Variants in NIN observed in about 807,000 individuals in gnomAD.
NIN encodes ninein.
A neutral mutation model predicts 257.6 loss-of-function variants in NIN; 137 were observed. The ratio of observed to expected loss-of-function variants is 0.53; its 90% CI spans 0.46 to 0.61. The LOEUF (loss-of-function observed/expected upper bound fraction) is 0.61, where lower values mean the gene tolerates loss of function less well. Among genes scored for constraint, NIN ranks in the 20% least tolerant of loss-of-function variants. The pLI is 0.00. For missense variants in NIN, 2,439 were observed against 2,501.2 expected, an observed-to-expected ratio of 0.98 and a Z score of 0.53; for synonymous variants, 918 against 919.8, an observed-to-expected ratio of 1.00 and a Z score of 0.04.
At chr14:50,751,900 G>A (rs1347314463) in intron 21 of NIN, among the ~76,000 whole-genome samples, 5 of 152,124 alleles carry the variant, frequency 3.3e-5, no homozygotes, top group African/African-American at 9.7e-5. Context: ...TTGGTCCCAT[G>A]TCCCTCCATT....
intron 3 of NIN, among the ~76,000 whole-genome samples, chr14:50,818,310 G>C (rs1385373291): frequency 1.1e-5 from 1 of 90,478 alleles, no homozygotes; most frequent in Non-Finnish European, 2.1e-5. Flanking sequence ...GCGACGGCGA[G>C]ACTCTGTCAA....
chr14:50,740,331 C>A (rs1406721743), intron 25 of NIN, among the ~76,000 whole-genome samples: 1 of 149,208 alleles, frequency 6.7e-6, no homozygotes, highest in East Asian at 2.0e-4. Context: ...GGATTATGGG[C>A]GCATGTACTA....
intron 3 of NIN, among the ~76,000 whole-genome samples, chr14:50,816,661 T>G (rs2044912530): frequency 6.6e-6 from 1 of 152,088 alleles, no homozygotes; most frequent in Non-Finnish European, 1.5e-5. Flanking sequence ...GTCTAAAATC[T>G]GAGACAGACA....
rs770578036 is a variant in NIN at position 50,770,880 on chromosome 14, T to A, written c.1231A>T (p.Ile411Leu). Residue 411 changes from isoleucine to leucine, a missense_variant, in exon 11 of 31, where the codon ATA becomes TTA. Transcript: ENST00000530997. ...AGGTTGTACTCATTCCGCCGCTCTA[T>A]GGCCGCATGGTGATCATCCACCTCC... ...ASEVDDHHAA[I>L]ERRNEYNLRK... is the part of the protein sequence containing the mutation. 2.1e-5 allele frequency: 34 copies of A among 1,614,114 alleles called. No homozygotes were observed. Among genetic ancestry groups the A allele is most frequent in the Non-Finnish European group, 2.8e-5 (33 of 1,180,018 alleles).
intron 5 of NIN, among the ~76,000 whole-genome samples, chr14:50,790,944 C>G (rs1392784042): frequency 6.6e-6 from 1 of 152,172 alleles, no homozygotes; most frequent in Admixed American, 6.5e-5. Flanking sequence ...TGCCCAACAG[C>G]TTTCTGCGTA....
At chr14:50,788,035 TAA>T (rs373060230) in intron 5 of NIN, among the ~76,000 whole-genome samples, 3 of 148,566 alleles carry the variant, frequency 2.0e-5, no homozygotes, top group Admixed American at 6.7e-5. Flanking sequence ...GGAATTCTGT[TAA>T]AAAAAAAAGT....
At chr14:50,727,522 GAGA>G in intron 29 of NIN, 1 of 1,214,500 alleles carries the variant, frequency 8.2e-7, no homozygotes, top group Non-Finnish European at 1.0e-6. Context: ...AAATAAATAA[GAGA>G]CATAATACTG....
chr14:50,823,154 TG>T (rs112915125), intron 2 of NIN: 28,615 of 413,724 alleles, frequency 0.069, 26 homozygotes, highest in East Asian at 0.091. Flanking sequence ...ATGAAATCTG[TG>T]GTTTTTTTTT....
intron 28 of NIN, among the ~76,000 whole-genome samples, chr14:50,730,215 T>G (rs2040622688): frequency 6.6e-6 from 1 of 152,200 alleles, no homozygotes; most frequent in African/African-American, 2.4e-5. Flanking sequence ...TATTTTAACC[T>G]ACCTTTAGTT....
At chr14:50,765,094 T>TAAA (rs1595811935) in intron 14 of NIN, among the ~76,000 whole-genome samples, 109 of 138,532 alleles carry the variant, frequency 7.9e-4, no homozygotes, top group South Asian at 1.5e-3. Flanking sequence ...AAAAAAAAAT[T>TAAA]AGGCGTTTGG....
rs2040269469 is a variant in NIN at position 50,721,470 on chromosome 14, T to G, written c.*1993A>C. 4.6e-6 allele frequency: 1 copy of G among 216,990 alleles called. No homozygotes were observed. Among genetic ancestry groups the G allele is most frequent in the Non-Finnish European group, 9.3e-6 (1 of 107,662 alleles). 13.4% of individuals were successfully genotyped at this position (216,990 alleles called of 1,614,324 possible). On this transcript the variant is annotated 3_prime_UTR_variant, in exon 31 of 31. Coordinates refer to ENST00000530997, the MANE Select transcript of NIN (RefSeq NM_020921.4). Reference sequence around the variant, plus strand: ...TGTTCAGTTCCAACAGCAATAACTTTGAGTAACTTGACACATATCACATAA... The same window carrying G: ...TGTTCAGTTCCAACAGCAATAACTTGGAGTAACTTGACACATATCACATAA...
At chr14:50,730,488 CAAG>C (rs1231820576) in intron 28 of NIN, among the ~76,000 whole-genome samples, 2 of 151,792 alleles carry the variant, frequency 1.3e-5, no homozygotes, top group African/African-American at 4.8e-5. Flanking sequence ...AGACTAAACT[CAAG>C]AAGCGGCACC....
intron 22 of NIN, among the ~76,000 whole-genome samples, chr14:50,744,694 T>C (rs991632091): frequency 6.6e-6 from 1 of 152,182 alleles, no homozygotes; most frequent in African/African-American, 2.4e-5. Context: ...TCCCAGCACT[T>C]TGGGAAGCCA....
chr14:50,730,291 A>G (rs919992535), intron 28 of NIN, among the ~76,000 whole-genome samples: 11 of 152,210 alleles, frequency 7.2e-5, no homozygotes, highest in African/African-American at 2.7e-4. Flanking sequence ...GCATAAAGCA[A>G]TAATATCCTA....
intron 4 of NIN, among the ~76,000 whole-genome samples, chr14:50,799,011 C>T (rs541757264): frequency 1.3e-4 from 20 of 152,282 alleles, no homozygotes; most frequent in African/African-American, 4.3e-4. Flanking sequence ...CTTTTGACCT[C>T]GTGACCCATC....
chr14:50,792,827 C>T lies in NIN; in HGVS notation c.320G>A (p.Arg107Gln), dbSNP rs755067990. ...KYVRGGKRYGRRSLPEFQESV... is the reference protein window; with the variant it reads ...KYVRGGKRYGQRSLPEFQESV... Reference sequence around the variant, plus strand: ...CTCTTGGAACTCGGGCAAGGACCTTCGTCCGTAACGCTTCCCACCTCTAAC... The same window carrying T: ...CTCTTGGAACTCGGGCAAGGACCTTTGTCCGTAACGCTTCCCACCTCTAAC... The change falls in exon 5 of 31, where the codon CGA (arginine) becomes CAA (glutamine). Residue 107 changes from arginine to glutamine, a missense_variant. By Grantham distance (43) the Arg-to-Gln change is conservative. This residue lies in a region of NIN where 387 missense variants were observed against 427.3 expected (regional missense o/e 0.91). Coordinates refer to ENST00000530997, the MANE Select transcript of NIN (RefSeq NM_020921.4). 5 of 1,614,200 alleles carry T rather than the reference C, an allele frequency of 3.1e-6. No individual in the cohort carries two copies. The highest frequency in any genetic ancestry group is 1.1e-5 in the South Asian group (1 of 91,086).
intron 3 of NIN, among the ~76,000 whole-genome samples, chr14:50,819,098 C>T (rs1285480296): frequency 6.6e-6 from 1 of 152,030 alleles, no homozygotes; most frequent in Non-Finnish European, 1.5e-5. Context: ...GATAATTCAG[C>T]CTAAGTCAAC....
intron 3 of NIN, among the ~76,000 whole-genome samples, chr14:50,814,831 T>A (rs892523759): frequency 1.6e-4 from 24 of 152,216 alleles, no homozygotes; most frequent in African/African-American, 5.5e-4. Context: ...GAGAACTGGC[T>A]AGCCATATGC....
Position 50,752,766 on chromosome 14 carries a change from G to GT in NIN, c.4735-34dup, listed in dbSNP as rs930734031. On this transcript the variant is annotated intron_variant, in intron 20 of 30. Transcript: ENST00000530997. ...AAATTAAAATAAGTTTTTCAAACTT[G>GT]TTACCCTACTTGTGCTAAAAAAAAA... is the stretch of plus-strand genomic sequence containing the variant. The GT allele has an allele frequency of 7.3e-6, 8 of 1,102,762 alleles. No homozygotes were observed. The African/African-American group carries it at 9.1e-5, about 13-fold the overall frequency. 68.3% of individuals were successfully genotyped at this position (1,102,762 alleles called of 1,614,324 possible).
Sources: allele counts gnomAD v4.1 joint callset (sites outside exome capture counted in the v4.1 genomes callset), GRCh38; gene constraint gnomAD v4.1.1; regional missense constraint gnomAD v4.1.1; transcripts MANE v1.5; gene names NCBI Gene and HGNC (gene_info 2026-07-23, HGNC 2026-07-21).